Variants in CNTNAP5 observed in about 807,000 individuals in gnomAD.
CNTNAP5 encodes the protein contactin-associated protein-like 5.
In CNTNAP5, 72 loss-of-function variants were observed where a neutral mutation model predicts 150.2. That is an observed-to-expected ratio of 0.48 (90% CI 0.40 to 0.58). The LOEUF (loss-of-function observed/expected upper bound fraction) is 0.58. Ranked by LOEUF, CNTNAP5 falls within the 20% of genes least tolerant of loss-of-function variation. The probability of loss-of-function intolerance (pLI) is 0.00; values close to 1 mark genes in which losing one functional copy is unlikely to be tolerated. For synonymous variants in CNTNAP5, 672 were observed against 619.8 expected (o/e 1.08, Z -1.25); for missense variants, 1,636 against 1,626.2 (o/e 1.01, Z -0.10).
intron 22 of CNTNAP5, among the ~76,000 whole-genome samples, chr2:124,904,619 T>C (rs1678489573): frequency 6.6e-6 from 1 of 152,132 alleles, no homozygotes; most frequent in Non-Finnish European, 1.5e-5. Context: ...CAAAAATGCA[T>C]AATGAAGAAA....
rs1390301749 is a variant in CNTNAP5 at position 124,764,154 on chromosome 2, G to A, written c.2533+7G>A. ...ATTCGACTCGAAATAAGCTGTAAGT[G>A]CCCTCAATTATGAATTTAATGTAAC... is the stretch of plus-strand genomic sequence containing the variant. On this transcript the variant is annotated splice_region_variant and intron_variant, in intron 16 of 23. Coordinates refer to ENST00000682447, the MANE Select transcript of CNTNAP5 (RefSeq NM_001367498.1). 1 of 1,608,222 alleles carries A rather than the reference G, an allele frequency of 6.2e-7. No homozygotes were observed. The highest frequency in any genetic ancestry group is 2.2e-5 in the East Asian group (1 of 44,782).
intron 3 of CNTNAP5, among the ~76,000 whole-genome samples, chr2:124,298,752 T>C (rs1477836613): frequency 1.3e-5 from 2 of 152,074 alleles, no homozygotes; most frequent in African/African-American, 4.8e-5. Flanking sequence ...ATTCCTTCAT[T>C]ATCTTGTCAT....
intron 8 of CNTNAP5, among the ~76,000 whole-genome samples, chr2:124,516,991 C>T (rs1461187093): frequency 2.6e-5 from 4 of 152,172 alleles, no homozygotes; most frequent in Admixed American, 6.5e-5. Context: ...ACCAAACTCA[C>T]CTTTTAGCCC....
At chr2:124,032,994 G>T (rs1213971) in intron 1 of CNTNAP5, among the ~76,000 whole-genome samples, 1 of 152,140 alleles carries the variant, frequency 6.6e-6, no homozygotes, top group African/African-American at 2.4e-5. Flanking sequence ...CTCTGACAGG[G>T]GGATAAACCA....
intron 1 of CNTNAP5, among the ~76,000 whole-genome samples, chr2:124,147,559 T>C (rs559375712): frequency 5.9e-5 from 9 of 152,214 alleles, no homozygotes; most frequent in Non-Finnish European, 1.3e-4. Flanking sequence ...AGAGGTTGAG[T>C]GAAGTGATGC....
chr2:124,544,057 G>A (rs1265238332), intron 10 of CNTNAP5, among the ~76,000 whole-genome samples: 1 of 151,904 alleles, frequency 6.6e-6, no homozygotes, highest in East Asian at 1.9e-4. Context: ...GAGGTTCACA[G>A]GTATGAAATT....
chr2:124,817,346 A>G (rs1682385334), intron 19 of CNTNAP5, among the ~76,000 whole-genome samples: 1 of 152,212 alleles, frequency 6.6e-6, no homozygotes, highest in Non-Finnish European at 1.5e-5. Context: ...CATATGGAGC[A>G]TGGAGTATTA....
chr2:124,723,705 A>G (rs757122845), intron 13 of CNTNAP5, among the ~76,000 whole-genome samples: 1 of 152,174 alleles, frequency 6.6e-6, no homozygotes, highest in African/African-American at 2.4e-5. Context: ...TGACTTGCAG[A>G]TGGCCACCTT....
intron 4 of CNTNAP5, 124 bp downstream of exon 4, chr2:124,417,714 G>A: frequency 1.1e-6 from 1 of 933,100 alleles, no homozygotes; most frequent in Non-Finnish European, 1.6e-6. Context: ...ACTTTCATAT[G>A]CATATTTAAA....
intron 3 of CNTNAP5, among the ~76,000 whole-genome samples, chr2:124,343,939 T>C (rs1034876551): frequency 6.6e-6 from 1 of 152,188 alleles, no homozygotes; most frequent in Non-Finnish European, 1.5e-5. Flanking sequence ...AGGCCAAACC[T>C]GTGAGCAGTC....
At chr2:124,895,948 T>G (rs1255422758) in intron 21 of CNTNAP5, among the ~76,000 whole-genome samples, 8 of 151,282 alleles carry the variant, frequency 5.3e-5, no homozygotes, top group Non-Finnish European at 1.2e-4. Flanking sequence ...CTGTGAAGAG[T>G]CGGTGCATGG....
intron 11 of CNTNAP5, among the ~76,000 whole-genome samples, chr2:124,588,761 T>C (rs762276868): frequency 5.0e-4 from 76 of 152,258 alleles, no homozygotes; most frequent in Admixed American, 2.2e-3. Context: ...ACGTTTTATC[T>C]TAACTAAAAT....
chr2:124,655,997 A>AAG (rs1558722578), intron 13 of CNTNAP5, among the ~76,000 whole-genome samples: 18 of 144,938 alleles, frequency 1.2e-4, no homozygotes, highest in East Asian at 3.9e-4. Context: ...GAAAGAAAGA[A>AAG]AAAAGGAAGG....
chr2:124,234,224 C>T (rs899182798), intron 2 of CNTNAP5, among the ~76,000 whole-genome samples: 1 of 152,124 alleles, frequency 6.6e-6, no homozygotes, highest in African/African-American at 2.4e-5. Flanking sequence ...CACTAACAAT[C>T]TCTTAGTCCT....
intron 12 of CNTNAP5, among the ~76,000 whole-genome samples, chr2:124,614,255 C>T (rs1416636953): frequency 1.3e-5 from 2 of 152,102 alleles, no homozygotes; most frequent in South Asian, 2.1e-4. Flanking sequence ...CACAATAAAG[C>T]AAGTCACATG....
intron 14 of CNTNAP5, among the ~76,000 whole-genome samples, chr2:124,763,405 G>A (rs1680999595): frequency 6.6e-6 from 1 of 152,114 alleles, no homozygotes; most frequent in African/African-American, 2.4e-5. Context: ...GCCACCAAAA[G>A]CAGCATCTTT....
chr2:124,131,493 T>A (rs1683842744), intron 1 of CNTNAP5, among the ~76,000 whole-genome samples: 1 of 152,184 alleles, frequency 6.6e-6, no homozygotes, highest in Non-Finnish European at 1.5e-5. Flanking sequence ...CAATCTCAAG[T>A]TTATCTGACT....
intron 22 of CNTNAP5, among the ~76,000 whole-genome samples, chr2:124,911,087 A>G (rs1198363097): frequency 6.6e-6 from 1 of 151,658 alleles, no homozygotes; most frequent in South Asian, 2.1e-4. Context: ...TAAACTCAGG[A>G]TCCTTTTGCA....
intron 13 of CNTNAP5, among the ~76,000 whole-genome samples, chr2:124,663,569 C>A (rs760226234): frequency 2.0e-5 from 3 of 151,924 alleles, no homozygotes; most frequent in Non-Finnish European, 2.9e-5. Context: ...GTTGCAGAAT[C>A]CATTTTGGGA....
Sources: gnomAD v4.1 joint callset for allele counts (sites outside exome capture counted in the v4.1 genomes callset) on GRCh38, gnomAD v4.1.1 for gene constraint, MANE v1.5 for transcripts, NCBI Gene and HGNC (gene_info 2026-07-23, HGNC 2026-07-21) for gene names.